Variants in NXPH1 observed in about 807,000 individuals in gnomAD.
The protein encoded by NXPH1 is neurexophilin 1.
A neutral mutation model predicts 23.7 loss-of-function variants in NXPH1; 5 were observed. That is an observed-to-expected ratio of 0.21 (90% CI 0.11 to 0.44). The LOEUF is 0.44. Ranked by LOEUF, NXPH1 falls within the 20% of genes least tolerant of loss-of-function variation. NXPH1 has a pLI of 0.99. For missense variants in NXPH1, 324 were observed against 321.6 expected, an observed-to-expected ratio of 1.01 and a Z score of -0.06; for synonymous variants, 144 against 122.2, an observed-to-expected ratio of 1.18 and a Z score of -1.18.
intron 2 of NXPH1, among the ~76,000 whole-genome samples, chr7:8,660,731 G>A (rs1820657365): frequency 1.3e-5 from 2 of 152,212 alleles, no homozygotes; most frequent in Non-Finnish European, 2.9e-5. Context: ...AGAACTATCA[G>A]ACAAGGAAAA....
chr7:8,631,799 T>C (rs1820134981), intron 2 of NXPH1, among the ~76,000 whole-genome samples: 1 of 152,222 alleles, frequency 6.6e-6, no homozygotes, highest in African/African-American at 2.4e-5. Flanking sequence ...TTCTTTAATT[T>C]CTAACATTCT....
At chr7:8,469,302 A>G (rs1035842286) in intron 2 of NXPH1, among the ~76,000 whole-genome samples, 2 of 152,056 alleles carry the variant, frequency 1.3e-5, no homozygotes, top group African/African-American at 4.8e-5. Context: ...ATAGTGACCC[A>G]TGGACTTTCT....
At position 8,751,596 on chromosome 7, in the gene NXPH1, T is replaced by A; in HGVS notation, c.643T>A (p.Ser215Thr). 1 of 1,613,578 alleles carries A rather than the reference T, an allele frequency of 6.2e-7. No individual in the cohort carries two copies. The highest frequency in any genetic ancestry group is 8.5e-7 in the Non-Finnish European group (1 of 1,179,754). The part of the protein sequence containing the change: ...TKNTLCNYDP[S>T]KTCYQEQTQS... ...GAACACACTCTGCAACTATGACCCT[T>A]CAAAAACCTGTTACCAGGAGCAAAC... The change falls in exon 3 of 3, where the codon TCA becomes ACA. Residue 215 changes from serine to threonine, a missense_variant. By Grantham distance (58) the Ser-to-Thr change is moderately conservative. Coordinates refer to ENST00000405863, the MANE Select transcript of NXPH1 (RefSeq NM_152745.3). The surrounding 1 kb of genome is among the most constrained non-coding windows in gnomAD (Gnocchi z 4.5).
intron 2 of NXPH1, among the ~76,000 whole-genome samples, chr7:8,610,395 T>A (rs1310248478): frequency 1.3e-5 from 2 of 152,170 alleles, no homozygotes; most frequent in Non-Finnish European, 2.9e-5. Context: ...TTCCAGATCT[T>A]CATTCCTCAT....
chr7:8,714,817 G>A (rs1481998069), intron 2 of NXPH1, among the ~76,000 whole-genome samples: 4 of 152,112 alleles, frequency 2.6e-5, no homozygotes, highest in Non-Finnish European at 5.9e-5. Context: ...TATCCAAGTT[G>A]CATGACAAAG....
At chr7:8,572,050 C>T (rs745990349) in intron 2 of NXPH1, among the ~76,000 whole-genome samples, 2 of 151,890 alleles carry the variant, frequency 1.3e-5, no homozygotes, top group Admixed American at 6.6e-5. Context: ...AGAGTTGCCA[C>T]ATTTAGCAAA....
At chr7:8,627,273 G>A (rs774028560) in intron 2 of NXPH1, among the ~76,000 whole-genome samples, 5 of 151,974 alleles carry the variant, frequency 3.3e-5, no homozygotes, top group Admixed American at 6.6e-5. Flanking sequence ...ATGCTCATTC[G>A]GTAAATGAGG....
intron 2 of NXPH1, among the ~76,000 whole-genome samples, chr7:8,511,995 A>G (rs1404466351): frequency 1.3e-5 from 2 of 152,160 alleles, no homozygotes; most frequent in Admixed American, 6.5e-5. Context: ...GGCAGATGCT[A>G]GAGATGAGTC....
intron 2 of NXPH1, among the ~76,000 whole-genome samples, chr7:8,642,223 G>T (rs776228862): frequency 7.2e-5 from 11 of 152,142 alleles, no homozygotes; most frequent in Non-Finnish European, 1.6e-4. Context: ...ATCATACTTG[G>T]TTGATAGTTA....
At chr7:8,564,683 T>C (rs1818508720) in intron 2 of NXPH1, among the ~76,000 whole-genome samples, 1 of 151,898 alleles carries the variant, frequency 6.6e-6, no homozygotes, top group Admixed American at 6.6e-5. Flanking sequence ...GGCCATTCAT[T>C]AAGGCAGGAT....
At chr7:8,636,709 C>T (rs59912207) in intron 2 of NXPH1, among the ~76,000 whole-genome samples, 7,883 of 152,202 alleles carry the variant, frequency 0.052, 421 homozygotes, top group East Asian at 0.17. Flanking sequence ...TGATGACATA[C>T]GTTACACACG....
intron 2 of NXPH1, among the ~76,000 whole-genome samples, chr7:8,574,929 T>G (rs1376086262): frequency 6.6e-6 from 1 of 152,132 alleles, no homozygotes; most frequent in Non-Finnish European, 1.5e-5. Flanking sequence ...GAAATAGCAA[T>G]TCAAGTAGTT....
chr7:8,487,294 G>A (rs1817174494), intron 2 of NXPH1, among the ~76,000 whole-genome samples: 1 of 152,036 alleles, frequency 6.6e-6, no homozygotes, highest in African/African-American at 2.4e-5. Flanking sequence ...CACAGGGGTG[G>A]GTTTTCCCAT....
intron 2 of NXPH1, among the ~76,000 whole-genome samples, chr7:8,691,639 T>G (rs887863491): frequency 6.6e-6 from 1 of 152,184 alleles, no homozygotes; most frequent in Non-Finnish European, 1.5e-5. Flanking sequence ...CGTATAAAGG[T>G]AAAGCAAATA....
chr7:8,711,765 G>A (rs534498958), intron 2 of NXPH1, among the ~76,000 whole-genome samples: 39 of 152,230 alleles, frequency 2.6e-4, no homozygotes, highest in African/African-American at 8.7e-4. Flanking sequence ...AGGTAAACAG[G>A]GTCATGTAAA....
chr7:8,472,360 G>C (rs1354053543), intron 2 of NXPH1, among the ~76,000 whole-genome samples: 2 of 152,174 alleles, frequency 1.3e-5, no homozygotes, highest in East Asian at 1.9e-4. Flanking sequence ...AAAGTACTTT[G>C]ATATTCATGA....
chr7:8,528,193 C>A (rs758667044), intron 2 of NXPH1, among the ~76,000 whole-genome samples: 1 of 152,178 alleles, frequency 6.6e-6, no homozygotes, highest in South Asian at 2.1e-4. Flanking sequence ...TCTTGCAAAG[C>A]CCCCCTCCTC....
At position 8,468,926 on chromosome 7, in the gene NXPH1, T is replaced by C. The variant is rs540646528; in HGVS notation, c.54+33159T>C. 3.3e-5 allele frequency among the ~76,000 whole-genome samples: 5 copies of C among 152,174 alleles called. No homozygotes were observed. In the South Asian group the frequency reaches 1.0e-3, roughly 32 times the overall value. On this transcript the variant is annotated intron_variant, in intron 2 of 2. Coordinates refer to ENST00000405863, the MANE Select transcript of NXPH1 (RefSeq NM_152745.3). ...TCTGGAAAAGTATATAAGGCAATTT[T>C]TAAGAGTGTTAAATTTTTATCTGTG...
intron 2 of NXPH1, among the ~76,000 whole-genome samples, chr7:8,606,302 CTCT>C (rs1394722938): frequency 6.6e-6 from 1 of 151,946 alleles, no homozygotes; most frequent in Non-Finnish European, 1.5e-5. Flanking sequence ...TTATGGAAAA[CTCT>C]TCTCCTTTTC....
Sources: allele counts gnomAD v4.1 joint callset (sites outside exome capture counted in the v4.1 genomes callset), GRCh38; gene constraint gnomAD v4.1.1; non-coding constraint Gnocchi (gnomAD v3.1); transcripts MANE v1.5; gene names NCBI Gene and HGNC (gene_info 2026-07-23, HGNC 2026-07-21).